Variants in DENND2B observed in about 807,000 individuals in gnomAD.
DENND2B encodes DENN domain containing 2B, also known as DENN domain-containing protein 2B.
In DENND2B, 32 loss-of-function variants were observed where a neutral mutation model predicts 116.0. That is an observed-to-expected ratio of 0.28 (90% CI 0.21 to 0.37). The LOEUF (loss-of-function observed/expected upper bound fraction) is 0.37, where lower values mean the gene tolerates loss of function less well. Ranked by LOEUF, DENND2B falls within the 10% of genes least tolerant of loss-of-function variation. The pLI is 1.00. For synonymous variants in DENND2B, 588 were observed against 583.9 expected, an observed-to-expected ratio of 1.01 and a Z score of -0.10; for missense variants, 1,276 against 1,477.7, an observed-to-expected ratio of 0.86 and a Z score of 2.24.
intron 1 of DENND2B, among the ~76,000 whole-genome samples, chr11:8,886,720 A>G (rs1265705326): frequency 6.6e-6 from 1 of 152,038 alleles, no homozygotes; most frequent in Non-Finnish European, 1.5e-5. Context: ...ATACATGAAC[A>G]TCACGGCTCA....
chr11:8,803,237 T>G (rs958935738), intron 1 of DENND2B, among the ~76,000 whole-genome samples: 11 of 151,268 alleles, frequency 7.3e-5, no homozygotes, highest in Non-Finnish European at 1.5e-4. Context: ...ATACAAAAAT[T>G]AGCCAGGTGT....
At chr11:8,714,734 G>A (rs1565689494) in intron 6 of DENND2B, 28 bp from the exon 7 acceptor site, 5 of 1,599,020 alleles carry the variant, frequency 3.1e-6, no homozygotes, top group Admixed American at 3.3e-5. Flanking sequence ...GATGGGTGAG[G>A]TAACCTTAAC....
At chr11:8,892,060 T>G (rs2064041051) in intron 1 of DENND2B, among the ~76,000 whole-genome samples, 1 of 152,124 alleles carries the variant, frequency 6.6e-6, no homozygotes, top group Non-Finnish European at 1.5e-5. Flanking sequence ...GACAGAGCAA[T>G]CAAACTACAA....
At chr11:8,694,163 A>C (rs2039894821) in intron 19 of DENND2B, 33 bp from the exon 20 acceptor site, 2 of 1,613,704 alleles carry the variant, frequency 1.2e-6, no homozygotes, top group South Asian at 2.2e-5. Context: ...GAGAATGTTC[A>C]GTGTTATCCC....
At chr11:8,741,272 G>C (rs1396515548) in intron 2 of DENND2B, among the ~76,000 whole-genome samples, 2 of 152,198 alleles carry the variant, frequency 1.3e-5, no homozygotes, top group East Asian at 1.9e-4. Flanking sequence ...AGCCACACCT[G>C]TCTGCCCCCA....
At chr11:8,766,907 C>T (rs186964226) in intron 1 of DENND2B, among the ~76,000 whole-genome samples, 185 of 152,304 alleles carry the variant, frequency 1.2e-3, no homozygotes, top group Admixed American at 2.4e-3. Flanking sequence ...AAAGGAAAGG[C>T]AAGCCTCTGG....
At chr11:8,696,267 C>T (rs201365722) in intron 18 of DENND2B, among the ~76,000 whole-genome samples, 160 bp downstream of exon 18, 6 of 152,228 alleles carry the variant, frequency 3.9e-5, no homozygotes, top group South Asian at 4.1e-4. Flanking sequence ...TTACTGGGGC[C>T]GGAGGAGAAG....
intron 1 of DENND2B, among the ~76,000 whole-genome samples, chr11:8,770,531 C>T (rs1167208804): frequency 6.6e-6 from 1 of 152,196 alleles, no homozygotes. Flanking sequence ...ATCACCACCA[C>T]CCAGAATCCT....
Position 8,901,229 on chromosome 11 carries a change from C to CTTTTCT in DENND2B, c.-256+9591_-256+9592insAGAAAA, listed in dbSNP as rs781408078. On this transcript the variant is annotated intron_variant, in intron 1 of 22. Coordinates refer to the DENND2B transcript ENST00000534127. ...CTTTTTCTTTCTTTTCTTTTCTTTTCTTTTTTTTTTTTTTTTTTGAGATGG... is the reference window on the plus strand; with the variant it reads ...CTTTTTCTTTCTTTTCTTTTCTTTTCTTTTCTTTTTTTTTTTTTTTTTTTGAGATGG... Among the ~76,000 whole-genome samples, 754 of 83,970 alleles carry CTTTTCT rather than the reference C, an allele frequency of 9.0e-3. 20 individuals are homozygous for CTTTTCT. Among genetic ancestry groups the CTTTTCT allele is most frequent in the East Asian group, 0.035 (88 of 2,548 alleles). The allele number at this position is 83,970 out of a possible 152,430, so 55.1% of individuals were successfully genotyped here.
upstream of DENND2B, chr11:8,811,147 G>A (rs2061356246): frequency 5.0e-6 from 2 of 396,106 alleles, no homozygotes; most frequent in Non-Finnish European, 8.9e-6. Flanking sequence ...CTGATGCGCT[G>A]CCTTGACTTG....
At chr11:8,800,264 C>T (rs2060201717) in intron 1 of DENND2B, among the ~76,000 whole-genome samples, 1 of 152,088 alleles carries the variant, frequency 6.6e-6, no homozygotes, top group Non-Finnish European at 1.5e-5. Context: ...CGGCCTTTAC[C>T]ATCTTTTAAT....
At chr11:8,762,843 A>C (rs2054935530) in intron 1 of DENND2B, among the ~76,000 whole-genome samples, 1 of 152,218 alleles carries the variant, frequency 6.6e-6, no homozygotes, top group South Asian at 2.1e-4. Context: ...CTGGGCAACA[A>C]GAGCGAAACT....
At chr11:8,880,345 CTGTGTGTGTG>C (rs56051922) in intron 2 of DENND2B, among the ~76,000 whole-genome samples, 17 of 120,650 alleles carry the variant, frequency 1.4e-4, no homozygotes, top group East Asian at 7.3e-4. Context: ...TCACTTTGAA[CTGTGTGTGTG>C]TGTGTGTGTG....
intron 1 of DENND2B, among the ~76,000 whole-genome samples, chr11:8,753,167 G>T (rs1273374477): frequency 6.6e-6 from 1 of 152,122 alleles, no homozygotes; most frequent in South Asian, 2.1e-4. Flanking sequence ...AACCTGGGAG[G>T]CAGAGGTTGC....
At chr11:8,790,236 T>G (rs1593732438) in intron 1 of DENND2B, among the ~76,000 whole-genome samples, 1 of 152,186 alleles carries the variant, frequency 6.6e-6, no homozygotes, top group East Asian at 1.9e-4. Context: ...AACCATGCCC[T>G]CCTTTTCCCC....
chr11:8,876,109 G>A (rs2063838457), upstream of DENND2B, among the ~76,000 whole-genome samples: 1 of 152,102 alleles, frequency 6.6e-6, no homozygotes, highest in South Asian at 2.1e-4. Flanking sequence ...CTATAGGCCG[G>A]GCATGGTGGC....
chr11:8,861,482 A>C (rs1223509441), intron 2 of DENND2B, among the ~76,000 whole-genome samples: 2 of 152,216 alleles, frequency 1.3e-5, no homozygotes, highest in African/African-American at 2.4e-5. Flanking sequence ...ACAATGAAAT[A>C]CTCTACCTTA....
chr11:8,712,466 ATC>A lies in DENND2B; in HGVS notation c.2172+83_2172+84del. 7.1e-7 allele frequency: 1 copy of A among 1,413,314 alleles called. No homozygotes were observed. The highest frequency in any genetic ancestry group is 9.5e-7 in the Non-Finnish European group (1 of 1,049,396). The allele number at this position is 1,413,314 out of a possible 1,614,324, so 87.5% of individuals were successfully genotyped here. On this transcript the variant is annotated intron_variant, in intron 9 of 19. Transcript: ENST00000313726. The surrounding 1 kb of genome is among the most constrained non-coding windows in gnomAD (Gnocchi z 4.4). ...TCGGTGAGGACGTATGACGAACAAG[ATC>A]TCTCTCCTTCCCCAGATAGGCCTGG... is the stretch of plus-strand genomic sequence containing the variant.
intron 1 of DENND2B, among the ~76,000 whole-genome samples, chr11:8,902,714 A>G (rs1009464086): frequency 5.3e-5 from 8 of 152,272 alleles, no homozygotes; most frequent in African/African-American, 1.9e-4. Context: ...TCTTTACTCC[A>G]GCAATATTAT....
Sources: gnomAD v4.1 joint callset for allele counts (sites outside exome capture counted in the v4.1 genomes callset) on GRCh38, gnomAD v4.1.1 for gene constraint, Gnocchi (gnomAD v3.1) non-coding constraint, MANE v1.5 for transcripts, NCBI Gene and HGNC (gene_info 2026-07-23, HGNC 2026-07-21) for gene names.